The following ARHGEF3 variants were observed in gnomAD, a reference collection of about 807,000 sequenced individuals.
ARHGEF3 encodes the protein 59.8 kDA protein.
In ARHGEF3, 28 loss-of-function variants were observed where a neutral mutation model predicts 63.2. The ratio of observed to expected loss-of-function variants is 0.44; its 90% CI spans 0.33 to 0.61. The LOEUF (loss-of-function observed/expected upper bound fraction) is 0.61. Ranked by LOEUF, ARHGEF3 falls within the 20% of genes least tolerant of loss-of-function variation. ARHGEF3 has a pLI of 0.03. For synonymous variants in ARHGEF3, 266 were observed against 254.2 expected (o/e 1.05, Z -0.44); for missense variants, 533 against 659.3 (o/e 0.81, Z 2.10).
At chr3:56,988,811 C>T (rs58232551) in intron 2 of ARHGEF3, among the ~76,000 whole-genome samples, 2,667 of 152,256 alleles carry the variant, frequency 0.018, 86 homozygotes, top group African/African-American at 0.061. Context: ...AGTATGTGCC[C>T]ATCTGGCCCC....
intron 4 of ARHGEF3, among the ~76,000 whole-genome samples, chr3:56,847,029 G>A (rs2039514575): frequency 6.6e-6 from 1 of 152,192 alleles, no homozygotes; most frequent in Admixed American, 6.5e-5. Context: ...TTTACTGAAT[G>A]GATGGATGAA....
rs183555529 is a variant in ARHGEF3, at chr3:57,019,293, G to A, written c.62+15795C>T. On this transcript the variant is annotated intron_variant, in intron 2 of 12. Coordinates refer to the ARHGEF3 transcript ENST00000338458. ...GGCCATTTCTCCTCCATGGATGGAC[G>A]CTTCCCACCTCCCTTCCCGGCACAA... 7.9e-5 allele frequency among the ~76,000 whole-genome samples: 12 copies of A among 152,324 alleles called. No individual in the cohort carries two copies. The East Asian group carries it at 2.1e-3, about 27-fold the overall frequency.
Position 57,059,383 on chromosome 3 carries a change from TA to T in ARHGEF3, c.-28+19842del, listed in dbSNP as rs200082180. 8.6e-3 allele frequency among the ~76,000 whole-genome samples: 1,272 copies of T among 147,094 alleles called. 35 individuals carry two copies. The highest frequency in any genetic ancestry group is 0.063 in the East Asian group (317 of 5,048). ...CTAACACTAACAATAGCTGATGAAC[TA>T]AAAAAAAAACTCATAATGTTTTTTA... On this transcript the variant is annotated intron_variant, in intron 1 of 12. Transcript: ENST00000338458.
chr3:56,990,474 C>T (rs987889639), intron 2 of ARHGEF3, among the ~76,000 whole-genome samples: 2 of 152,138 alleles, frequency 1.3e-5, no homozygotes, highest in South Asian at 2.1e-4. Context: ...ATCCCAGATA[C>T]ACTCGGGAGG....
At chr3:56,935,595 G>A (rs900905788) in intron 3 of ARHGEF3, among the ~76,000 whole-genome samples, 55 of 151,836 alleles carry the variant, frequency 3.6e-4, no homozygotes, top group Admixed American at 2.1e-3. Context: ...CGGGAGGAAC[G>A]AACAACTCCA....
At chr3:56,902,791 C>T (rs1399694268) in intron 3 of ARHGEF3, among the ~76,000 whole-genome samples, 1 of 152,172 alleles carries the variant, frequency 6.6e-6, no homozygotes, top group African/African-American at 2.4e-5. Flanking sequence ...TATACTCTCA[C>T]ACTACACTTG....
intron 1 of ARHGEF3, among the ~76,000 whole-genome samples, chr3:57,040,050 A>G (rs907641298): frequency 2.0e-5 from 3 of 152,194 alleles, no homozygotes; most frequent in Non-Finnish European, 4.4e-5. Context: ...AATGAAATCA[A>G]TGGTGGTGAT....
chr3:56,992,024 C>CTCTCTCTGTGTG (rs1239113895), intron 2 of ARHGEF3, among the ~76,000 whole-genome samples: 3 of 131,636 alleles, frequency 2.3e-5, no homozygotes, highest in African/African-American at 8.7e-5. Flanking sequence ...CCTCCTCTCT[C>CTCTCTCTGTGTG]TGTGTGTGTG....
intron 4 of ARHGEF3, among the ~76,000 whole-genome samples, chr3:56,807,334 A>T (rs1162080409): frequency 6.6e-6 from 1 of 152,212 alleles, no homozygotes; most frequent in East Asian, 1.9e-4. Flanking sequence ...TGCCAGGCAG[A>T]TGTTTAATAC....
intron 4 of ARHGEF3, among the ~76,000 whole-genome samples, chr3:56,855,384 G>A (rs553588817): frequency 6.6e-6 from 1 of 152,164 alleles, no homozygotes; most frequent in South Asian, 2.1e-4. Flanking sequence ...CTTTACTGAT[G>A]CAAAAACAAG....
intron 2 of ARHGEF3, among the ~76,000 whole-genome samples, chr3:56,966,305 A>G (rs1394936361): frequency 6.6e-6 from 1 of 152,234 alleles, no homozygotes; most frequent in African/African-American, 2.4e-5. Flanking sequence ...TTAGGTCTGT[A>G]TATGTAGGAT....
intron 4 of ARHGEF3, among the ~76,000 whole-genome samples, chr3:56,830,718 C>T (rs1224071754): frequency 2.0e-5 from 3 of 152,180 alleles, no homozygotes; most frequent in Admixed American, 6.5e-5. Context: ...ACCCATGATG[C>T]TCCAGCACAG....
intron 4 of ARHGEF3, among the ~76,000 whole-genome samples, chr3:56,871,721 A>G (rs2040436293): frequency 6.6e-6 from 1 of 152,206 alleles, no homozygotes; most frequent in Non-Finnish European, 1.5e-5. Flanking sequence ...AAAGCTTATC[A>G]TAACAGACTG....
chr3:56,939,096 A>G (rs778025839), intron 3 of ARHGEF3, among the ~76,000 whole-genome samples: 5 of 152,170 alleles, frequency 3.3e-5, no homozygotes, highest in Non-Finnish European at 5.9e-5. Context: ...CGTCCAGTCT[A>G]TTCAGTGGGC....
chr3:56,768,399 C>T (rs2035826823), intron 2 of ARHGEF3, among the ~76,000 whole-genome samples: 1 of 149,340 alleles, frequency 6.7e-6, no homozygotes, highest in South Asian at 2.1e-4. Context: ...AAACAAAGCA[C>T]AATAGAAGGT....
intron 3 of ARHGEF3, among the ~76,000 whole-genome samples, chr3:56,897,995 T>C (rs2108299784): frequency 6.6e-6 from 1 of 152,134 alleles, no homozygotes; most frequent in South Asian, 2.1e-4. Flanking sequence ...TTCTCCCACC[T>C]TGGCCTCCCA....
chr3:56,992,024 C>CTCTCTGTGTG lies in ARHGEF3; in HGVS notation c.63-33136_63-33135insCACACAGAGA, dbSNP rs1239113895. On this transcript the variant is annotated intron_variant, in intron 2 of 12. Transcript: ENST00000338458. ...TCTCACTCTCTCTCCCCTCCTCTCT[C>CTCTCTGTGTG]TGTGTGTGTGTGTGTGTGTGTGTGT... is the stretch of plus-strand genomic sequence containing the variant. Among the ~76,000 whole-genome samples, 350 of 131,708 alleles carry CTCTCTGTGTG rather than the reference C, an allele frequency of 2.7e-3. 6 individuals carry two copies. Among genetic ancestry groups the CTCTCTGTGTG allele is most frequent in the African/African-American group, 8.6e-3 (297 of 34,440 alleles). 86.4% of individuals were successfully genotyped at this position (131,708 alleles called of 152,430 possible). A position where few individuals can be genotyped will look rare whatever the true frequency, so the allele number is the denominator to read the frequency against.
chr3:57,055,814 C>T lies in ARHGEF3; in HGVS notation c.-27-20638G>A, dbSNP rs1704904174. ...AACAGAATTCCAATGCACATCCCTA[C>T]TGTTTGAGAGAATTTTAGGACACAA... On this transcript the variant is annotated intron_variant, in intron 1 of 12. Coordinates refer to the ARHGEF3 transcript ENST00000338458. Among the ~76,000 whole-genome samples, 3 of 152,326 alleles carry T rather than the reference C, an allele frequency of 2.0e-5. No individual in the cohort carries two copies. In the East Asian group the frequency reaches 5.8e-4, roughly 29 times the overall value.
chr3:56,781,385 TACAGGAGTAC>T (rs532606421), intron 1 of ARHGEF3, among the ~76,000 whole-genome samples: 236 of 152,206 alleles, frequency 1.6e-3, no homozygotes, highest in African/African-American at 5.2e-3. Context: ...TAGCTGGGAC[TACAGGAGTAC>T]ACCACCATAC....
Sources: allele counts gnomAD v4.1 joint callset (sites outside exome capture counted in the v4.1 genomes callset), GRCh38; gene constraint gnomAD v4.1.1; transcripts MANE v1.5; gene names NCBI Gene and HGNC (gene_info 2026-07-23, HGNC 2026-07-21).